Variants in MEIKIN observed in about 807,000 individuals in gnomAD.
The protein encoded by MEIKIN is meiosis-specific kinetochore protein.
chr5:131,856,149 C>T (rs1357551216), intron 9 of MEIKIN, among the ~76,000 whole-genome samples: 3 of 152,314 alleles, frequency 2.0e-5, no homozygotes, highest in African/African-American at 7.2e-5. Flanking sequence ...AAAATGAACA[C>T]ATCAGCCTCT....
intron 10 of MEIKIN, among the ~76,000 whole-genome samples, chr5:131,852,709 AAT>A (rs1360413966): frequency 6.6e-6 from 1 of 152,108 alleles, no homozygotes; most frequent in African/African-American, 2.4e-5. Flanking sequence ...GGGTGATGAA[AAT>A]GTTCTTAAAT....
intron 4 of MEIKIN, among the ~76,000 whole-genome samples, chr5:131,941,438 C>A (rs1580918255): frequency 7.4e-6 from 1 of 135,766 alleles, no homozygotes; most frequent in Non-Finnish European, 1.5e-5. Context: ...GGATTATAGG[C>A]GTGAGCCACC....
intron 8 of MEIKIN, among the ~76,000 whole-genome samples, chr5:131,891,542 C>T (rs2149634340): frequency 6.6e-6 from 1 of 152,268 alleles, no homozygotes; most frequent in East Asian, 1.9e-4. Flanking sequence ...ATTGCAACCC[C>T]TGCCTTTTTT....
chr5:131,836,020 A>T (rs1242863317), intron 11 of MEIKIN, among the ~76,000 whole-genome samples: 1 of 152,142 alleles, frequency 6.6e-6, no homozygotes, highest in African/African-American at 2.4e-5. Context: ...AGTACCCATT[A>T]GTTATTTTTC....
intron 5 of MEIKIN, among the ~76,000 whole-genome samples, chr5:131,924,668 G>C (rs908186586): frequency 2.0e-5 from 3 of 151,776 alleles, no homozygotes; most frequent in Non-Finnish European, 4.4e-5. Flanking sequence ...TTTTCAATCA[G>C]GTTGTTTTTT....
chr5:131,851,316 T>C lies in MEIKIN; in HGVS notation c.923A>G (p.Asn308Ser). Residue 308 changes from asparagine (N) to serine (S), a missense_variant, in exon 11 of 13, where the codon AAT (asparagine) becomes AGT (serine). Coordinates refer to ENST00000442687, the MANE Select transcript of MEIKIN (RefSeq NM_001303622.2). ...TGACACAGGAACAATTTCATTTGAA[T>C]TAACATAATTGCTGACATTTGGAAA... ...ELFPNVSNYV[N>S]SNEIVPVSSL... 1 of 398,278 alleles carries C rather than the reference T, an allele frequency of 2.5e-6. No homozygotes were observed. The highest frequency in any genetic ancestry group is 4.4e-6 in the Non-Finnish European group (1 of 225,576). 24.7% of individuals were successfully genotyped at this position (398,278 alleles called of 1,614,324 possible).
chr5:131,876,661 A>T (rs2149627567), intron 9 of MEIKIN, among the ~76,000 whole-genome samples: 1 of 151,660 alleles, frequency 6.6e-6, no homozygotes, highest in South Asian at 2.1e-4. Context: ...TACCCAAAGG[A>T]TTATAAATCA....
At chr5:131,884,674 T>C (rs1042857722) in intron 8 of MEIKIN, among the ~76,000 whole-genome samples, 3 of 152,034 alleles carry the variant, frequency 2.0e-5, no homozygotes, top group Non-Finnish European at 4.4e-5. Flanking sequence ...AGATTTTATC[T>C]TGCACCTTAG....
rs146468828 is a variant in MEIKIN at position 131,840,268 on chromosome 5, C to T, written c.975+10996G>A. Among the ~76,000 whole-genome samples, 725 of 152,250 alleles carry T rather than the reference C, an allele frequency of 4.8e-3. 8 individuals are homozygous for T. Among genetic ancestry groups the T allele is most frequent in the African/African-American group, 0.017 (687 of 41,544 alleles). On this transcript the variant is annotated intron_variant, in intron 11 of 12. Coordinates refer to ENST00000442687, the MANE Select transcript of MEIKIN (RefSeq NM_001303622.2). ...GGCCTTCCCTTTGTGGGTGACCTGA[C>T]CTTTTTCTCTAGCTGCCTTTAACCT...
At chr5:131,860,754 C>CTTTTT (rs35117395) in intron 9 of MEIKIN, among the ~76,000 whole-genome samples, 41 of 51,002 alleles carry the variant, frequency 8.0e-4, no homozygotes, top group East Asian at 1.5e-3. Flanking sequence ...GCCTGTTTGG[C>CTTTTT]TTTTTTTTTT....
intron 8 of MEIKIN, among the ~76,000 whole-genome samples, chr5:131,899,923 T>C (rs1751128119): frequency 6.6e-6 from 1 of 152,172 alleles, no homozygotes; most frequent in African/African-American, 2.4e-5. Context: ...AAACAGAAAG[T>C]CAACAAAGAA....
At chr5:131,868,646 C>T (rs1420755607) in intron 9 of MEIKIN, among the ~76,000 whole-genome samples, 1 of 151,236 alleles carries the variant, frequency 6.6e-6, no homozygotes, top group African/African-American at 2.4e-5. Flanking sequence ...GGTCAGGGCT[C>T]ACTGCAGCCT....
chr5:131,920,252 ATAAG>A (rs1397771663), intron 6 of MEIKIN, among the ~76,000 whole-genome samples: 1 of 152,260 alleles, frequency 6.6e-6, no homozygotes, highest in Non-Finnish European at 1.5e-5. Flanking sequence ...TCTACACTGA[ATAAG>A]TAATCAAATA....
chr5:131,822,794 T>C (rs536557106), intron 11 of MEIKIN, among the ~76,000 whole-genome samples: 1 of 152,328 alleles, frequency 6.6e-6, no homozygotes, highest in African/African-American at 2.4e-5. Context: ...TTAGGTGATT[T>C]CTTATTGTTT....
intron 8 of MEIKIN, among the ~76,000 whole-genome samples, chr5:131,900,240 A>G (rs918309951): frequency 1.3e-4 from 20 of 152,196 alleles, no homozygotes; most frequent in Admixed American, 1.3e-3. Context: ...TCGCTGAGGG[A>G]ATGGGACATT....
chr5:131,903,130 C>T (rs1751186194), intron 8 of MEIKIN, among the ~76,000 whole-genome samples: 1 of 151,994 alleles, frequency 6.6e-6, no homozygotes, highest in Non-Finnish European at 1.5e-5. Context: ...ATGAACAAAA[C>T]CTCCAAAAAA....
intron 8 of MEIKIN, among the ~76,000 whole-genome samples, chr5:131,896,883 T>C (rs115308991): frequency 6.6e-6 from 1 of 152,238 alleles, no homozygotes; most frequent in Non-Finnish European, 1.5e-5. Flanking sequence ...CCATTTTACA[T>C]TTAAGGTTAA....
chr5:131,877,400 T>C lies in MEIKIN; in HGVS notation c.774+1578A>G, dbSNP rs531285818. 1.6e-3 allele frequency among the ~76,000 whole-genome samples: 239 copies of C among 152,242 alleles called. 1 individual carries two copies. Among genetic ancestry groups the C allele is most frequent in the Non-Finnish European group, 2.8e-3 (192 of 68,008 alleles). Reference sequence around the variant, plus strand: ...ATGGCTCACACCTGTACCAACACTTTGGGAGGTTGAAGCGGGTGGATCGCT... The same window carrying C: ...ATGGCTCACACCTGTACCAACACTTCGGGAGGTTGAAGCGGGTGGATCGCT... On this transcript the variant is annotated intron_variant, in intron 9 of 12. Coordinates refer to ENST00000442687, the MANE Select transcript of MEIKIN (RefSeq NM_001303622.2).
intron 11 of MEIKIN, among the ~76,000 whole-genome samples, chr5:131,826,218 C>T (rs1044944307): frequency 8.6e-5 from 13 of 151,216 alleles, no homozygotes; most frequent in Non-Finnish European, 1.3e-4. Flanking sequence ...TGAGTCACTG[C>T]GCCTGGCCTA....
Sources: gnomAD v4.1 joint callset for allele counts (sites outside exome capture counted in the v4.1 genomes callset) on GRCh38, gnomAD v4.1.1 for gene constraint, MANE v1.5 for transcripts, NCBI Gene and HGNC (gene_info 2026-07-23, HGNC 2026-07-21) for gene names.